Variants in CSMD1 observed in about 807,000 individuals in gnomAD.
CSMD1 encodes the protein CUB and sushi domain-containing protein 1.
CSMD1 carries 213 observed loss-of-function variants against 417.5 expected under a neutral mutation model. The observed-to-expected ratio is 0.51, with a 90% confidence interval of 0.46 to 0.57. The LOEUF (loss-of-function observed/expected upper bound fraction) is 0.57. CSMD1 is among the 20% of genes least tolerant of loss of function. The pLI is 0.00. For synonymous variants in CSMD1, 2,862 were observed against 1,736.8 expected, an observed-to-expected ratio of 1.65 and a Z score of -16.11; for missense variants, 6,923 against 4,529.7, an observed-to-expected ratio of 1.53 and a Z score of -15.17.
chr8:3,667,987 T>A (rs1372345941), intron 7 of CSMD1, among the ~76,000 whole-genome samples: 1 of 152,064 alleles, frequency 6.6e-6, no homozygotes. Flanking sequence ...CCAATCCCGA[T>A]CAATATGAGT....
intron 3 of CSMD1, among the ~76,000 whole-genome samples, chr8:4,205,494 C>G (rs1390412203): frequency 6.6e-6 from 1 of 152,190 alleles, no homozygotes; most frequent in Non-Finnish European, 1.5e-5. Flanking sequence ...AAACAAGCCA[C>G]TCGAGGTAAC....
chr8:4,897,474 G>T (rs759530028), intron 1 of CSMD1, among the ~76,000 whole-genome samples: 4 of 151,946 alleles, frequency 2.6e-5, no homozygotes, highest in African/African-American at 9.7e-5. Flanking sequence ...TTTAAGGAGT[G>T]GTTTGGGTTG....
intron 3 of CSMD1, among the ~76,000 whole-genome samples, chr8:4,112,173 T>C (rs913363780): frequency 3.9e-5 from 6 of 152,184 alleles, no homozygotes; most frequent in Admixed American, 6.5e-5. Context: ...CTGGGCAGTC[T>C]ATAGCTGCTG....
At chr8:4,674,150 A>G (rs1585430427) in intron 1 of CSMD1, among the ~76,000 whole-genome samples, 1 of 152,186 alleles carries the variant, frequency 6.6e-6, no homozygotes, top group South Asian at 2.1e-4. Flanking sequence ...CACTGGAACC[A>G]TAGATGAGGT....
chr8:4,472,087 G>A (rs534341847), intron 2 of CSMD1, among the ~76,000 whole-genome samples: 40 of 152,324 alleles, frequency 2.6e-4, no homozygotes, highest in African/African-American at 8.9e-4. Flanking sequence ...GACACAGTCA[G>A]CAGAGATCTG....
intron 2 of CSMD1, among the ~76,000 whole-genome samples, chr8:4,585,378 T>A (rs2725025): frequency 0.34 from 51,044 of 151,950 alleles, 8,714 homozygotes; most frequent in African/African-American, 0.37. Flanking sequence ...AATACACAAT[T>A]TTTGAAAGAG....
chr8:3,176,029 A>G (rs758788240), intron 37 of CSMD1, among the ~76,000 whole-genome samples: 2 of 152,190 alleles, frequency 1.3e-5, no homozygotes, highest in Non-Finnish European at 2.9e-5. Context: ...AATTTTGGAT[A>G]GATGTCATTA....
chr8:3,923,160 T>A (rs1809397142), intron 5 of CSMD1, among the ~76,000 whole-genome samples: 1 of 152,122 alleles, frequency 6.6e-6, no homozygotes, highest in South Asian at 2.1e-4. Context: ...CGCCGAAGCT[T>A]CATGAGACCT....
intron 11 of CSMD1, among the ~76,000 whole-genome samples, chr8:3,490,026 G>C (rs1251103019): frequency 1.3e-5 from 2 of 152,178 alleles, no homozygotes; most frequent in Non-Finnish European, 2.9e-5. Flanking sequence ...ATGCTGGGAA[G>C]AATGTTTGCA....
intron 5 of CSMD1, among the ~76,000 whole-genome samples, chr8:3,944,457 G>GT (rs1216131075): frequency 7.3e-5 from 11 of 151,590 alleles, no homozygotes; most frequent in South Asian, 4.2e-4. Context: ...TCTAGTTTTG[G>GT]TTTTTTTTCC....
At chr8:2,990,430 C>T (rs1173065688) in intron 54 of CSMD1, among the ~76,000 whole-genome samples, 2 of 152,204 alleles carry the variant, frequency 1.3e-5, no homozygotes, top group Admixed American at 6.5e-5. Flanking sequence ...CCGGTTGACA[C>T]ATTTCAGGGT....
chr8:4,289,693 C>G (rs943040860), intron 3 of CSMD1, among the ~76,000 whole-genome samples: 3 of 152,292 alleles, frequency 2.0e-5, no homozygotes, highest in African/African-American at 7.2e-5. Context: ...GCAAAACTTT[C>G]AGCTTTGCTT....
At chr8:3,446,957 A>T (rs1563398434) in intron 12 of CSMD1, among the ~76,000 whole-genome samples, 1 of 152,256 alleles carries the variant, frequency 6.6e-6, no homozygotes, top group Non-Finnish European at 1.5e-5. Context: ...CTGCTCACAC[A>T]TAGTGACTTG....
intron 25 of CSMD1, among the ~76,000 whole-genome samples, chr8:3,299,763 G>A (rs979438513): frequency 1.3e-5 from 2 of 152,104 alleles, no homozygotes; most frequent in African/African-American, 4.8e-5. Context: ...AGTCAACATA[G>A]GAAAGGTATA....
chr8:3,635,802 AAAAAAAAAAAAAAG>A (rs1248793055), intron 7 of CSMD1, among the ~76,000 whole-genome samples: 2 of 149,548 alleles, frequency 1.3e-5, no homozygotes, highest in African/African-American at 2.5e-5. Context: ...TCAAAAAAAA[AAAAAAAAAAAAAAG>A]AAAGAAAGAA....
chr8:4,053,698 A>C (rs1413886492), intron 3 of CSMD1, among the ~76,000 whole-genome samples: 1 of 152,138 alleles, frequency 6.6e-6, no homozygotes, highest in African/African-American at 2.4e-5. Flanking sequence ...CAAACAGCTC[A>C]TCATGGCAGT....
intron 1 of CSMD1, among the ~76,000 whole-genome samples, chr8:4,721,968 C>A (rs117049978): frequency 6.6e-6 from 1 of 152,012 alleles, no homozygotes; most frequent in Non-Finnish European, 1.5e-5. Flanking sequence ...CTTACAAAAA[C>A]GGAATACAAA....
chr8:3,552,277 A>G (rs1472215177), intron 10 of CSMD1, among the ~76,000 whole-genome samples: 1 of 152,220 alleles, frequency 6.6e-6, no homozygotes, highest in Non-Finnish European at 1.5e-5. Flanking sequence ...TTGAATACTA[A>G]TCTAAATATG....
At chr8:3,922,279 G>A (rs957192520) in intron 5 of CSMD1, among the ~76,000 whole-genome samples, 1 of 151,536 alleles carries the variant, frequency 6.6e-6, no homozygotes, top group African/African-American at 2.4e-5. Flanking sequence ...TAAAAACATA[G>A]TGAGTTCCTT....
Sources: allele counts gnomAD v4.1 joint callset (sites outside exome capture counted in the v4.1 genomes callset), GRCh38; gene constraint gnomAD v4.1.1; transcripts MANE v1.5; gene names NCBI Gene and HGNC (gene_info 2026-07-23, HGNC 2026-07-21).